FHIP1A: variants seen among roughly 807,000 people sequenced by gnomAD.
FHIP1A encodes the protein FHF complex subunit HOOK interacting protein 1A, also known as FHF complex subunit HOOK-interacting protein 1A.
In FHIP1A, 61 loss-of-function variants were observed where a neutral mutation model predicts 88.6. The observed-to-expected ratio is 0.69, with a 90% CI of 0.56 to 0.85. The LOEUF (loss-of-function observed/expected upper bound fraction) is 0.85, where lower values mean the gene tolerates loss of function less well. Among genes scored for constraint, FHIP1A ranks in the 40% least tolerant of loss-of-function variants. The probability of loss-of-function intolerance (pLI) is 0.00; values close to 1 mark genes in which losing one functional copy is unlikely to be tolerated. For synonymous variants in FHIP1A, 478 were observed against 496.0 expected (o/e 0.96, Z 0.48); for missense variants, 1,154 against 1,273.5 (o/e 0.91, Z 1.43).
chr4:151,433,759 C>T (rs1424969096), intron 1 of FHIP1A, among the ~76,000 whole-genome samples: 1 of 152,108 alleles, frequency 6.6e-6, no homozygotes, highest in Non-Finnish European at 1.5e-5. Flanking sequence ...TGCTGATAAT[C>T]TCTGAATCAA....
intron 11 of FHIP1A, among the ~76,000 whole-genome samples, chr4:151,653,885 A>G (rs1475806636): frequency 6.6e-6 from 1 of 152,106 alleles, no homozygotes; most frequent in African/African-American, 2.4e-5. Context: ...GGGGCAGTGG[A>G]GAGAGTCTCA....
intron 1 of FHIP1A, among the ~76,000 whole-genome samples, chr4:151,447,096 T>A (rs1335921245): frequency 1.3e-5 from 2 of 152,210 alleles, no homozygotes; most frequent in Non-Finnish European, 2.9e-5. Flanking sequence ...GATATTTCTA[T>A]GGGTAAAAAC....
intron 3 of FHIP1A, among the ~76,000 whole-genome samples, chr4:151,513,170 T>C (rs1731101246): frequency 6.6e-6 from 1 of 152,130 alleles, no homozygotes; most frequent in South Asian, 2.1e-4. Context: ...AGAAAAGAAT[T>C]TTCAACCCAG....
chr4:151,586,852 G>A (rs1004010099), intron 6 of FHIP1A, 53 bp downstream of exon 6: 6 of 1,299,594 alleles, frequency 4.6e-6, no homozygotes, highest in African/African-American at 1.5e-5. Context: ...CAGAGCACAA[G>A]CACTGCAAAG....
At chr4:151,428,174 A>G (rs987236312) in intron 1 of FHIP1A, among the ~76,000 whole-genome samples, 2 of 152,124 alleles carry the variant, frequency 1.3e-5, no homozygotes, top group African/African-American at 2.4e-5. Context: ...ACAATTTTTC[A>G]GGAACACACA....
chr4:151,617,981 C>A (rs1186823240), intron 7 of FHIP1A, among the ~76,000 whole-genome samples: 1 of 152,226 alleles, frequency 6.6e-6, no homozygotes, highest in African/African-American at 2.4e-5. Flanking sequence ...CTTCTCTTAT[C>A]TCCAAACTGC....
chr4:151,577,633 A>G lies in FHIP1A; in HGVS notation c.289A>G (p.Ile97Val), dbSNP rs1218466284. The G allele has an allele frequency of 7.1e-6, 11 of 1,551,818 alleles. No homozygotes were observed. Among genetic ancestry groups the G allele is most frequent in the South Asian group, 1.2e-5 (1 of 84,056 alleles). Residue 97 changes from isoleucine (I) to valine (V), a missense_variant, in exon 5 of 14, where the codon ATC (isoleucine) becomes GTC (valine). Coordinates refer to ENST00000435205, the MANE Select transcript of FHIP1A (RefSeq NM_001109977.3). ...TCTGGAATTTGTGGTCTCTGAGAAC[A>G]TCATGGAGAAACTTTTCCTTTGGAG... is the stretch of plus-strand genomic sequence containing the variant. ...PILEFVVSENIMEKLFLWSLR... is the reference protein window; with the variant it reads ...PILEFVVSENVMEKLFLWSLR...
rs370123716 is a variant in FHIP1A, at chr4:151,584,077, G to T, written c.733-2564G>T. ...AAAGGTTGCCAGGAAATAGAACAGA[G>T]AAATGTATATTATTTTTTTGATTTC... On this transcript the variant is annotated intron_variant, in intron 5 of 13. Coordinates refer to ENST00000435205, the MANE Select transcript of FHIP1A (RefSeq NM_001109977.3). 3.3e-5 allele frequency among the ~76,000 whole-genome samples: 5 copies of T among 152,218 alleles called. No homozygotes were observed. In the South Asian group the frequency reaches 1.0e-3, roughly 32 times the overall value.
rs1194753550 is a variant in FHIP1A at position 151,656,945 on chromosome 4, C to T, written c.2869+47C>T. On this transcript the variant is annotated intron_variant, in intron 13 of 13. Coordinates refer to ENST00000435205, the MANE Select transcript of FHIP1A (RefSeq NM_001109977.3). This position sits in a 1 kb window ranked among gnomAD's most constrained non-coding sequence, Gnocchi z 4.2. ...CGCCCCTCCTTAAATTCCTCCTCCA[C>T]GTCCCTGGCCTACTGGCCTCAGTTC... is the stretch of plus-strand genomic sequence containing the variant. The T allele has an allele frequency of 3.3e-5, 50 of 1,516,442 alleles. No individual in the cohort carries two copies. The East Asian group carries it at 5.2e-4, about 16-fold the overall frequency. The allele number at this position is 1,516,442 out of a possible 1,614,324, so 93.9% of individuals were successfully genotyped here.
At chr4:151,458,907 G>T (rs1025383278) in intron 2 of FHIP1A, among the ~76,000 whole-genome samples, 1 of 151,694 alleles carries the variant, frequency 6.6e-6, no homozygotes, top group African/African-American at 2.4e-5. Flanking sequence ...GGGTCATAGA[G>T]AAAGTATCCT....
intron 7 of FHIP1A, among the ~76,000 whole-genome samples, chr4:151,616,193 T>C (rs1407372323): frequency 1.3e-5 from 2 of 152,232 alleles, no homozygotes; most frequent in East Asian, 1.9e-4. Context: ...AAAGTCAGTA[T>C]AGTTTAATTG....
chr4:151,450,684 C>G (rs1227830303), intron 1 of FHIP1A, among the ~76,000 whole-genome samples: 2 of 152,162 alleles, frequency 1.3e-5, no homozygotes, highest in Non-Finnish European at 2.9e-5. Context: ...AGATTTTTCT[C>G]TTTACGCACA....
chr4:151,541,407 A>C (rs1732280170), intron 3 of FHIP1A, among the ~76,000 whole-genome samples: 1 of 152,222 alleles, frequency 6.6e-6, no homozygotes, highest in Admixed American at 6.5e-5. Context: ...ACATTTTTAC[A>C]GTCCTTTATG....
intron 3 of FHIP1A, among the ~76,000 whole-genome samples, chr4:151,501,552 A>G (rs1278645677): frequency 6.6e-6 from 1 of 151,672 alleles, no homozygotes; most frequent in Non-Finnish European, 1.5e-5. Flanking sequence ...TTTGATAATC[A>G]AAGAAATTTT....
chr4:151,645,351 G>T (rs1270481119), intron 9 of FHIP1A, among the ~76,000 whole-genome samples: 3 of 152,094 alleles, frequency 2.0e-5, no homozygotes, highest in East Asian at 3.9e-4. Flanking sequence ...ACCACACAGA[G>T]AATGGAATCT....
Position 151,435,784 on chromosome 4 carries a change from CAA to C in FHIP1A, c.-355-18898_-355-18897del, listed in dbSNP as rs202118440. Among the ~76,000 whole-genome samples the C allele has an allele frequency of 8.9e-3, 1,078 of 121,350 alleles. 8 individuals carry two copies. The highest frequency in any genetic ancestry group is 0.024 in the African/African-American group (801 of 33,256). 79.6% of individuals were successfully genotyped at this position (121,350 alleles called of 152,430 possible). ...TGGGTGACAGAGTGAAACTCTGTGTCAAAAAAAAAAAAAAAAAAAATTCTAAA... is the reference window on the plus strand; with the variant it reads ...TGGGTGACAGAGTGAAACTCTGTGTCAAAAAAAAAAAAAAAAAATTCTAAA... On this transcript the variant is annotated intron_variant, in intron 1 of 13. Transcript: ENST00000435205.
At chr4:151,583,680 A>G (rs1214843491) in intron 5 of FHIP1A, among the ~76,000 whole-genome samples, 2 of 152,198 alleles carry the variant, frequency 1.3e-5, no homozygotes, top group Non-Finnish European at 1.5e-5. Flanking sequence ...AGTATGCAGA[A>G]TTAAAGCCTT....
intron 7 of FHIP1A, among the ~76,000 whole-genome samples, chr4:151,592,078 C>T (rs572094228): frequency 3.3e-5 from 5 of 152,264 alleles, no homozygotes; most frequent in South Asian, 2.1e-4. Flanking sequence ...TTTACACTCC[C>T]GCCAACAGTA....
Position 151,581,457 on chromosome 4 carries a change from CAAG to C in FHIP1A, c.732+3386_732+3388del, listed in dbSNP as rs146439924. On this transcript the variant is annotated intron_variant, in intron 5 of 13. Coordinates refer to ENST00000435205, the MANE Select transcript of FHIP1A (RefSeq NM_001109977.3). ...TCATAATTTAAAAATTTAAATATGACAAGAAGATTTCCATTTAACTGCATCATA... is the reference window on the plus strand; with the variant it reads ...TCATAATTTAAAAATTTAAATATGACAAGATTTCCATTTAACTGCATCATA... Among the ~76,000 whole-genome samples the C allele has an allele frequency of 5.6e-3, 856 of 152,148 alleles. 5 individuals are homozygous for C. The highest frequency in any genetic ancestry group is 0.019 in the African/African-American group (780 of 41,526).
Sources: allele counts gnomAD v4.1 joint callset (sites outside exome capture counted in the v4.1 genomes callset), GRCh38; gene constraint gnomAD v4.1.1; non-coding constraint Gnocchi (gnomAD v3.1); transcripts MANE v1.5; gene names NCBI Gene and HGNC (gene_info 2026-07-23, HGNC 2026-07-21).